Variants in SUGCT observed in about 807,000 individuals in gnomAD.
The protein encoded by SUGCT is succinyl-CoA:glutarate-CoA transferase, also known as succinyl-CoA:glutarate CoA-transferase.
In SUGCT, 41 loss-of-function variants were observed where a neutral mutation model predicts 55.0. The observed-to-expected ratio is 0.74, with a 90% CI of 0.58 to 0.97. The LOEUF (loss-of-function observed/expected upper bound fraction) is 0.97, where lower values mean the gene tolerates loss of function less well. Ranked by LOEUF, SUGCT falls within the 50% of genes least tolerant of loss-of-function variation. The pLI, the probability that SUGCT is intolerant of heterozygous loss-of-function variation, is 0.00. For missense variants in SUGCT, 568 were observed against 547.8 expected (o/e 1.04, Z -0.37); for synonymous variants, 187 against 200.4 (o/e 0.93, Z 0.56).
At chr7:40,741,800 A>G (rs980209111) in intron 12 of SUGCT, among the ~76,000 whole-genome samples, 1 of 152,210 alleles carries the variant, frequency 6.6e-6, no homozygotes, top group African/African-American at 2.4e-5. Flanking sequence ...CTCAGAAACA[A>G]TGTTATGAGA....
At chr7:40,413,517 T>C (rs1190637723) in intron 9 of SUGCT, among the ~76,000 whole-genome samples, 4 of 152,194 alleles carry the variant, frequency 2.6e-5, no homozygotes, top group Admixed American at 6.5e-5. Context: ...ATTTATATAC[T>C]ATTTGGGCAG....
chr7:40,921,001 G>A, the SUGCT span, among the ~76,000 whole-genome samples: 11 of 152,138 alleles, frequency 7.2e-5, no homozygotes, highest in African/African-American at 2.7e-4. Flanking sequence ...ACAGGTTGGT[G>A]TTGGCCCTGA....
intron 13 of SUGCT, among the ~76,000 whole-genome samples, chr7:40,810,385 C>A (rs1452510395): frequency 6.6e-6 from 1 of 152,192 alleles, no homozygotes. Context: ...TTCCCGCCAA[C>A]AATGTATAAA....
intron 12 of SUGCT, among the ~76,000 whole-genome samples, chr7:40,528,225 C>T (rs1343500768): frequency 1.3e-5 from 2 of 152,124 alleles, no homozygotes; most frequent in East Asian, 1.9e-4. Flanking sequence ...TCAGTGTTGG[C>T]TTTTATTATT....
intron 12 of SUGCT, among the ~76,000 whole-genome samples, chr7:40,702,527 G>A (rs933966098): frequency 3.0e-4 from 46 of 152,202 alleles, no homozygotes; most frequent in Middle Eastern, 3.4e-3. Flanking sequence ...TTCCTCCTTC[G>A]TGTGCTCAGC....
At chr7:40,820,713 A>T (rs1261921214) in intron 13 of SUGCT, among the ~76,000 whole-genome samples, 1 of 152,218 alleles carries the variant, frequency 6.6e-6, no homozygotes, top group African/African-American at 2.4e-5. Context: ...ATCTGCAAAC[A>T]GGGACAATTT....
At chr7:40,383,774 C>G (rs1172849945) in intron 9 of SUGCT, among the ~76,000 whole-genome samples, 1 of 152,136 alleles carries the variant, frequency 6.6e-6, no homozygotes, top group East Asian at 1.9e-4. Flanking sequence ...ATAGAATGGA[C>G]TGCGTGATCA....
chr7:40,943,266 A>G, the SUGCT span, among the ~76,000 whole-genome samples: 3 of 148,692 alleles, frequency 2.0e-5, no homozygotes, highest in Non-Finnish European at 4.5e-5. Flanking sequence ...ATGTGACTTT[A>G]TTTTATTATT....
In SUGCT at chr7:40,570,209, C is replaced by T. The variant is rs542709545; in HGVS notation, c.1089+73823C>T. On this transcript the variant is annotated intron_variant, in intron 12 of 13. Transcript: ENST00000335693. ...CATATTATAAGCATTTTTCTCTTTG[C>T]TTGTTAGTGAGAACATACTAAAGAT... Among the ~76,000 whole-genome samples, 3 of 152,276 alleles carry T rather than the reference C, an allele frequency of 2.0e-5. No individual in the cohort carries two copies. In the South Asian group the frequency reaches 6.2e-4, roughly 32 times the overall value.
At chr7:40,351,489 G>C (rs966849023) in intron 9 of SUGCT, among the ~76,000 whole-genome samples, 1 of 151,970 alleles carries the variant, frequency 6.6e-6, no homozygotes, top group Non-Finnish European at 1.5e-5. Context: ...ACTTATAATA[G>C]TGTGATTGTA....
chr7:40,946,990 A>T, the SUGCT span, among the ~76,000 whole-genome samples: 2 of 152,126 alleles, frequency 1.3e-5, no homozygotes, highest in Non-Finnish European at 2.9e-5. Context: ...TTGGATGTGT[A>T]GATTAATATT....
chr7:40,199,894 A>G (rs1028905349), intron 6 of SUGCT, among the ~76,000 whole-genome samples: 1 of 152,064 alleles, frequency 6.6e-6, no homozygotes. Flanking sequence ...AGCATTACAT[A>G]GAGTTAAAAT....
chr7:40,805,513 A>G (rs1037811290), intron 13 of SUGCT, among the ~76,000 whole-genome samples: 2 of 152,218 alleles, frequency 1.3e-5, no homozygotes, highest in Non-Finnish European at 2.9e-5. Flanking sequence ...TCTGGACTCT[A>G]AAAGAGATGA....
At chr7:40,706,086 C>A (rs2128666618) in intron 12 of SUGCT, among the ~76,000 whole-genome samples, 1 of 152,222 alleles carries the variant, frequency 6.6e-6, no homozygotes, top group East Asian at 1.9e-4. Flanking sequence ...TTTATATGAT[C>A]ATTAATATTT....
chr7:40,866,862 C>G, the SUGCT span, among the ~76,000 whole-genome samples: 1 of 151,894 alleles, frequency 6.6e-6, no homozygotes, highest in African/African-American at 2.4e-5. Context: ...GAGATGACAA[C>G]GATCCAAACT....
intron 12 of SUGCT, among the ~76,000 whole-genome samples, chr7:40,559,125 G>T (rs1276436573): frequency 6.6e-6 from 1 of 152,210 alleles, no homozygotes; most frequent in East Asian, 1.9e-4. Flanking sequence ...TGAACCTAGA[G>T]TTTTCTTCAG....
At chr7:40,159,403 G>A (rs1037768390) in intron 1 of SUGCT, among the ~76,000 whole-genome samples, 10 of 151,976 alleles carry the variant, frequency 6.6e-5, no homozygotes, top group African/African-American at 2.2e-4. Flanking sequence ...ACTGAGTCTC[G>A]CTGTGTTGCC....
chr7:40,463,900 T>C (rs931388122), intron 11 of SUGCT, among the ~76,000 whole-genome samples: 4 of 152,120 alleles, frequency 2.6e-5, no homozygotes, highest in Non-Finnish European at 1.5e-5. Context: ...AGAGGAGATA[T>C]AATGGAGACT....
At chr7:40,549,270 A>G (rs1233192129) in intron 12 of SUGCT, among the ~76,000 whole-genome samples, 2 of 152,206 alleles carry the variant, frequency 1.3e-5, no homozygotes, top group Admixed American at 1.3e-4. Flanking sequence ...TTTATGTGTT[A>G]TTAGGTCTGA....
Sources: allele counts gnomAD v4.1 joint callset (sites outside exome capture counted in the v4.1 genomes callset), GRCh38; gene constraint gnomAD v4.1.1; transcripts MANE v1.5; gene names NCBI Gene and HGNC (gene_info 2026-07-23, HGNC 2026-07-21).